The following NUDT9 variants were observed in gnomAD, a reference collection of about 807,000 sequenced individuals.
NUDT9 encodes ADP-ribose pyrophosphatase.
Under a neutral mutation model 41.0 loss-of-function variants are expected in NUDT9, and 31 were observed. The observed-to-expected ratio is 0.76, with a 90% confidence interval of 0.57 to 1.02. The LOEUF (loss-of-function observed/expected upper bound fraction) is 1.02. NUDT9 is among the 50% of genes least tolerant of loss of function. The pLI is 0.00. For missense variants in NUDT9, 380 were observed against 431.4 expected (o/e 0.88, Z 1.06); for synonymous variants, 146 against 147.6 (o/e 0.99, Z 0.08).
intron 5 of NUDT9, among the ~76,000 whole-genome samples, chr4:87,451,130 ATGAAT>A (rs1229905502): frequency 6.6e-6 from 1 of 152,230 alleles, no homozygotes; most frequent in Non-Finnish European, 1.5e-5. Flanking sequence ...TCTGAAGGAA[ATGAAT>A]TAGTGAACCA....
At chr4:87,447,770 A>C (rs1722525111) in intron 4 of NUDT9, among the ~76,000 whole-genome samples, 1 of 152,188 alleles carries the variant, frequency 6.6e-6, no homozygotes, top group Admixed American at 6.5e-5. Flanking sequence ...CGGGTGGCTT[A>C]CACCTGTAAT....
chr4:87,423,945 C>T (rs899620285), intron 1 of NUDT9, among the ~76,000 whole-genome samples: 2 of 152,168 alleles, frequency 1.3e-5, no homozygotes, highest in Non-Finnish European at 2.9e-5. Context: ...AACTTCTCTG[C>T]TGAGTATAGC....
chr4:87,430,551 T>G (rs1181342921), intron 1 of NUDT9, among the ~76,000 whole-genome samples: 1 of 152,240 alleles, frequency 6.6e-6, no homozygotes, highest in Non-Finnish European at 1.5e-5. Context: ...TGATGTCATT[T>G]TTTTTATTGC....
chr4:87,437,372 G>A (rs557908942), intron 2 of NUDT9, among the ~76,000 whole-genome samples: 6 of 150,890 alleles, frequency 4.0e-5, no homozygotes, highest in African/African-American at 7.3e-5. Flanking sequence ...ATGGAGTCTC[G>A]CTCTGTCGCC....
chr4:87,457,641 AAATT>A (rs1415035774), intron 7 of NUDT9, among the ~76,000 whole-genome samples, 198 bp from the exon 8 acceptor site: 1 of 152,142 alleles, frequency 6.6e-6, no homozygotes, highest in Non-Finnish European at 1.5e-5. Context: ...GACTTGGTTA[AAATT>A]TGGACATTTT....
intron 7 of NUDT9, among the ~76,000 whole-genome samples, chr4:87,456,355 G>A (rs886911097): frequency 1.3e-5 from 2 of 152,150 alleles, no homozygotes; most frequent in African/African-American, 2.4e-5. Context: ...CCTTAGGAAA[G>A]ACAGGAAATC....
chr4:87,450,446 C>G (rs1324653396), intron 5 of NUDT9, among the ~76,000 whole-genome samples: 1 of 133,396 alleles, frequency 7.5e-6, no homozygotes, highest in Non-Finnish European at 1.5e-5. Context: ...ATGGCATGAT[C>G]TCAGCTTACT....
chr4:87,441,292 C>T (rs1722191818), intron 3 of NUDT9, among the ~76,000 whole-genome samples: 1 of 152,094 alleles, frequency 6.6e-6, no homozygotes, highest in Non-Finnish European at 1.5e-5. Context: ...AAATAGTTGG[C>T]ATTTTTATAA....
chr4:87,428,948 A>C (rs1476218506), intron 1 of NUDT9, among the ~76,000 whole-genome samples: 3 of 152,130 alleles, frequency 2.0e-5, no homozygotes, highest in Non-Finnish European at 4.4e-5. Flanking sequence ...TTGGTCTTGT[A>C]CTTTATGGTT....
In NUDT9 at chr4:87,435,109, A is replaced by C; in HGVS notation, c.236A>C (p.Gln79Pro). Residue 79 changes from glutamine (Q) to proline (P), a missense_variant, in exon 2 of 8, where the codon CAG becomes CCG. Transcript: ENST00000302174. ...PYPGSKVERS[Q>P]VPNEKVGWLV... is the part of the protein sequence containing the mutation. ...CCAGGTTCAAAAGTTGAACGAAGCC[A>C]GGTTCCTAATGAGAAAGTGGGCTGG... The C allele has an allele frequency of 6.2e-7, 1 of 1,614,204 alleles. No individual in the cohort carries two copies. The highest frequency in any genetic ancestry group is 8.5e-7 in the Non-Finnish European group (1 of 1,180,032).
At chr4:87,438,860 C>T (rs904392057) in intron 3 of NUDT9, among the ~76,000 whole-genome samples, 3 of 152,170 alleles carry the variant, frequency 2.0e-5, no homozygotes, top group African/African-American at 7.2e-5. Context: ...TCAGCCTGTT[C>T]TCACAGTGCT....
rs1335297218 is a variant in NUDT9, at chr4:87,435,140, T to C, written c.267T>C (p.Val89=). ...CTAATGAGAAAGTGGGCTGGCTTGTTGAGTGGCAAGACTATAAGCCTGTGG... is the reference window on the plus strand; with the variant it reads ...CTAATGAGAAAGTGGGCTGGCTTGTCGAGTGGCAAGACTATAAGCCTGTGG... The part of the protein sequence containing the change: ...QVPNEKVGWL[V]EWQDYKPVEY... Residue 89 remains valine, a synonymous_variant, in exon 2 of 8, where the codon GTT becomes GTC. Coordinates refer to ENST00000302174, the MANE Select transcript of NUDT9 (RefSeq NM_024047.5). 6.2e-7 allele frequency: 1 copy of C among 1,614,098 alleles called. No homozygotes were observed. Among genetic ancestry groups the C allele is most frequent in the Non-Finnish European group, 8.5e-7 (1 of 1,180,052 alleles).
At chr4:87,442,167 A>G in intron 4 of NUDT9, among the ~76,000 whole-genome samples, 1 of 152,240 alleles carries the variant, frequency 6.6e-6, no homozygotes. Context: ...GTGTAGGTGC[A>G]ATTGTATAAG....
chr4:87,446,266 T>TTA (rs371329081), intron 4 of NUDT9, among the ~76,000 whole-genome samples: 3 of 150,398 alleles, frequency 2.0e-5, no homozygotes, highest in East Asian at 3.9e-4. Context: ...TTTTTTTTTT[T>TTA]AAGACAGATT....
At chr4:87,452,250 G>A (rs767407349) in intron 6 of NUDT9, among the ~76,000 whole-genome samples, 4 of 151,934 alleles carry the variant, frequency 2.6e-5, no homozygotes, top group Non-Finnish European at 5.9e-5. Context: ...TTACCTGCCC[G>A]CCTCGGCCTC....
At chr4:87,442,432 AAGCCTAAGACATTAC>A (rs1722243911) in intron 4 of NUDT9, among the ~76,000 whole-genome samples, 7 of 152,196 alleles carry the variant, frequency 4.6e-5, no homozygotes, top group Admixed American at 1.3e-4. Flanking sequence ...GTGAACATGA[AAGCCTAAGACATTAC>A]TGTCCCCTAT....
At chr4:87,436,745 T>A (rs2110169959) in intron 2 of NUDT9, among the ~76,000 whole-genome samples, 1 of 152,336 alleles carries the variant, frequency 6.6e-6, no homozygotes, top group Admixed American at 6.5e-5. Context: ...TAAGAAAATG[T>A]ATGGATCATT....
chr4:87,438,640 C>G (rs757459545), intron 3 of NUDT9, among the ~76,000 whole-genome samples: 2 of 152,040 alleles, frequency 1.3e-5, no homozygotes, highest in Non-Finnish European at 2.9e-5. Context: ...ATCTTGGAAA[C>G]AGAAATAATT....
At chr4:87,454,350 T>C (rs779779056) in intron 6 of NUDT9, 21 bp from the exon 7 acceptor site, 2 of 1,494,306 alleles carry the variant, frequency 1.3e-6, no homozygotes, top group South Asian at 2.3e-5. Flanking sequence ...TTTTAAAAAA[T>C]TTGTCTTCTT....
Sources: gnomAD v4.1 joint callset for allele counts (sites outside exome capture counted in the v4.1 genomes callset) on GRCh38, gnomAD v4.1.1 for gene constraint, MANE v1.5 for transcripts, NCBI Gene and HGNC (gene_info 2026-07-23, HGNC 2026-07-21) for gene names.